The following GLG1 variants were observed in gnomAD, a reference collection of about 807,000 sequenced individuals.
GLG1 encodes Golgi apparatus protein 1.
Under a neutral mutation model 160.5 loss-of-function variants are expected in GLG1, and 38 were observed. The ratio of observed to expected loss-of-function variants is 0.24; its 90% CI spans 0.18 to 0.31. The LOEUF is 0.31. Among genes scored for constraint, GLG1 ranks in the 10% least tolerant of loss-of-function variants. GLG1 has a pLI of 1.00. For missense variants in GLG1, 1,373 were observed against 1,505.2 expected, an observed-to-expected ratio of 0.91 and a Z score of 1.45; for synonymous variants, 644 against 543.4, an observed-to-expected ratio of 1.19 and a Z score of -2.57.
intron 2 of GLG1, among the ~76,000 whole-genome samples, chr16:74,516,604 G>A (rs1242533144): frequency 6.6e-6 from 1 of 152,174 alleles, no homozygotes; most frequent in East Asian, 1.9e-4. Flanking sequence ...GAGAAAGCAG[G>A]AAAGATCTAA....
At chr16:74,595,655 T>G (rs893327969) in intron 1 of GLG1, among the ~76,000 whole-genome samples, 3 of 152,226 alleles carry the variant, frequency 2.0e-5, no homozygotes, top group African/African-American at 7.2e-5. Context: ...AAACTTGTAT[T>G]ATGGTTTTCA....
chr16:74,602,163 A>G (rs1288881221), intron 1 of GLG1, among the ~76,000 whole-genome samples: 1 of 152,176 alleles, frequency 6.6e-6, no homozygotes, highest in African/African-American at 2.4e-5. Context: ...CAACACTGAA[A>G]TGTTAATTCC....
At chr16:74,526,089 G>A (rs574482277) in intron 2 of GLG1, among the ~76,000 whole-genome samples, 1 of 152,210 alleles carries the variant, frequency 6.6e-6, no homozygotes, top group Non-Finnish European at 1.5e-5. Context: ...TTTTCCGAGA[G>A]AGAAGTATCA....
chr16:74,469,885 C>T (rs1216314459), intron 16 of GLG1, 100 bp downstream of exon 16: 5 of 800,288 alleles, frequency 6.2e-6, no homozygotes, highest in Non-Finnish European at 1.1e-5. Context: ...CAGGGCTAAC[C>T]CCACGAGGCA....
chr16:74,545,143 A>G (rs548623543), intron 1 of GLG1, among the ~76,000 whole-genome samples: 17 of 152,274 alleles, frequency 1.1e-4, no homozygotes, highest in African/African-American at 4.1e-4. Flanking sequence ...GGAAAGATCT[A>G]ATCCTAATGG....
intron 8 of GLG1, among the ~76,000 whole-genome samples, chr16:74,489,793 G>A (rs2015919436): frequency 6.6e-6 from 1 of 152,130 alleles, no homozygotes; most frequent in South Asian, 2.1e-4. Flanking sequence ...ACAGACACAC[G>A]TGCACACATG....
At position 74,447,997 on chromosome 16, in the gene GLG1, G is replaced by C. The variant is rs1199751380; in HGVS notation, c.*5170C>G. ...AGTGTCCTATACATGTGTCCTGGTG[G>C]AGCAGAGGGAGCGGGAGAGGACCAC... On this transcript the variant is annotated 3_prime_UTR_variant, in exon 26 of 26. Transcript: ENST00000422840. The C allele has an allele frequency of 1.3e-5, 2 of 152,300 alleles. No individual in the cohort carries two copies. Among genetic ancestry groups the C allele is most frequent in the Admixed American group, 1.3e-4 (2 of 15,292 alleles). 9.4% of individuals were successfully genotyped at this position (152,300 alleles called of 1,614,324 possible). A position where few individuals can be genotyped will look rare whatever the true frequency, so the allele number is the denominator to read the frequency against.
chr16:74,473,900 C>T (rs566149102), intron 13 of GLG1, among the ~76,000 whole-genome samples: 5 of 152,188 alleles, frequency 3.3e-5, no homozygotes, highest in African/African-American at 1.2e-4. Context: ...GATGAGAGAA[C>T]GGGAATGTGT....
rs767165122 is a variant in GLG1 at position 74,485,808 on chromosome 16, G to A, written c.1559C>T (p.Ser520Phe). 1 of 1,613,138 alleles carries A rather than the reference G, an allele frequency of 6.2e-7. No homozygotes were observed. The highest frequency in any genetic ancestry group is 8.5e-7 in the Non-Finnish European group (1 of 1,179,266). The change falls in exon 9 of 26, where the codon TCT (serine) becomes TTT (phenylalanine). Residue 520 changes from serine to phenylalanine, a missense_variant. Physicochemically the swap from Ser to Phe is radical, Grantham distance 155. Around this residue, in one of 4 missense-constraint regions of GLG1, gnomAD observed 386 missense variants for 388.5 expected, o/e 0.99. Coordinates refer to ENST00000422840, the MANE Select transcript of GLG1 (RefSeq NM_001145667.2). ...VIQTACKHIRSGDPMILSCLM... is the reference protein window; with the variant it reads ...VIQTACKHIRFGDPMILSCLM... ...GAAGATAACTTACATTGGGTCTCCAGATCTTATATGTTTGCAGGCTGTCTG... is the reference window on the plus strand; with the variant it reads ...GAAGATAACTTACATTGGGTCTCCAAATCTTATATGTTTGCAGGCTGTCTG...
At chr16:74,574,858 T>C (rs1216474618) in intron 1 of GLG1, among the ~76,000 whole-genome samples, 2 of 103,200 alleles carry the variant, frequency 1.9e-5, no homozygotes, top group Non-Finnish European at 3.5e-5. Flanking sequence ...CACTCCAGCC[T>C]GGGTAAGAGA....
At chr16:74,487,279 C>T (rs2015826898) in intron 8 of GLG1, among the ~76,000 whole-genome samples, 1 of 152,032 alleles carries the variant, frequency 6.6e-6, no homozygotes, top group African/African-American at 2.4e-5. Context: ...TTCCCTTTTG[C>T]CAAGTTAAAA....
intron 20 of GLG1, 193 bp from the exon 21 acceptor site, chr16:74,462,823 T>A (rs944097540): frequency 8.3e-6 from 5 of 599,022 alleles, no homozygotes; most frequent in Non-Finnish European, 1.5e-5. Flanking sequence ...TAACGAGTAC[T>A]TCTGGAGGTC....
chr16:74,468,602 A>G (rs1017000098), intron 17 of GLG1: 4 of 231,004 alleles, frequency 1.7e-5, no homozygotes, highest in Non-Finnish European at 3.5e-5. Context: ...CCTGACCTCA[A>G]GCGATCCACC....
chr16:74,527,877 G>A (rs1193442982), intron 2 of GLG1, among the ~76,000 whole-genome samples: 1 of 122,912 alleles, frequency 8.1e-6, no homozygotes, highest in Non-Finnish European at 1.6e-5. Flanking sequence ...CAGGTGCGGT[G>A]GTTAATTCTT....
chr16:74,589,256 CAAA>C (rs11311925), intron 1 of GLG1, among the ~76,000 whole-genome samples: 2 of 140,556 alleles, frequency 1.4e-5, no homozygotes, highest in Non-Finnish European at 3.1e-5. Context: ...CTCTCTGTCT[CAAA>C]AAAAAAAAAA....
Position 74,469,805 on chromosome 16 carries a change from T to A in GLG1, c.2318+180A>T, listed in dbSNP as rs1304965760. 5.0e-6 allele frequency: 3 copies of A among 596,452 alleles called. No homozygotes were observed. In the East Asian group the frequency reaches 8.4e-5, roughly 17 times the overall value. 36.9% of individuals were successfully genotyped at this position (596,452 alleles called of 1,614,324 possible). On this transcript the variant is annotated intron_variant, in intron 16 of 25. Coordinates refer to ENST00000422840, the MANE Select transcript of GLG1 (RefSeq NM_001145667.2). ...TGGGACCTCCATGTGAGAACTACCATCGCCAGATGCTCTGTCCAGACAGTC... is the reference window on the plus strand; with the variant it reads ...TGGGACCTCCATGTGAGAACTACCAACGCCAGATGCTCTGTCCAGACAGTC...
intron 1 of GLG1, among the ~76,000 whole-genome samples, chr16:74,592,396 G>A (rs1958205137): frequency 6.6e-6 from 1 of 152,052 alleles, no homozygotes; most frequent in African/African-American, 2.4e-5. Flanking sequence ...CACCCGCCTT[G>A]GCCTCCCCAA....
At chr16:74,582,433 T>C (rs2143825872) in intron 1 of GLG1, among the ~76,000 whole-genome samples, 1 of 152,238 alleles carries the variant, frequency 6.6e-6, no homozygotes, top group East Asian at 1.9e-4. Context: ...CCCAAGGTGC[T>C]GGGATTTCCT....
chr16:74,550,987 A>G (rs1244066579), intron 1 of GLG1, among the ~76,000 whole-genome samples: 3 of 152,196 alleles, frequency 2.0e-5, no homozygotes, highest in South Asian at 4.1e-4. Flanking sequence ...AAGTTAGAGC[A>G]ACCCTGGAAA....
Sources: gnomAD v4.1 joint callset for allele counts (sites outside exome capture counted in the v4.1 genomes callset) on GRCh38, gnomAD v4.1.1 for gene constraint, gnomAD v4.1.1 regional missense constraint, MANE v1.5 for transcripts, NCBI Gene and HGNC (gene_info 2026-07-23, HGNC 2026-07-21) for gene names.